Variants in IL1RAPL1 observed in about 807,000 individuals in gnomAD.
IL1RAPL1 encodes the protein interleukin-1 receptor accessory protein-like 1.
In IL1RAPL1, 3 loss-of-function variants were observed where a neutral mutation model predicts 48.4. The observed-to-expected ratio is 0.06, with a 90% CI of 0.03 to 0.16. IL1RAPL1 has a LOEUF of 0.16. Ranked by LOEUF, IL1RAPL1 falls within the 10% of genes least tolerant of loss-of-function variation. The pLI, the probability that IL1RAPL1 is intolerant of heterozygous loss-of-function variation, is 1.00. For missense variants in IL1RAPL1, 349 were observed against 530.6 expected (o/e 0.66, Z 3.36); for synonymous variants, 185 against 187.7 (o/e 0.99, Z 0.12).
At chrX:29,569,870 TAGCCAGGTAGTGTTATTTGC>T (rs1019808674) in intron 5 of IL1RAPL1, among the ~76,000 whole-genome samples, 4 of 112,069 alleles carry the variant, frequency 3.6e-5, no homozygotes, top group African/African-American at 1.3e-4. Context: ...TGGTTTTTTG[TAGCCAGGTAGTGTTATTTGC>T]AGCTGAAATC....
At chrX:28,866,066 A>G (rs1922069751) in intron 2 of IL1RAPL1, among the ~76,000 whole-genome samples, 1 of 112,070 alleles carries the variant, frequency 8.9e-6, no homozygotes, top group Non-Finnish European at 1.9e-5. Context: ...AAGACACGGG[A>G]CTTAGGAAGG....
chrX:29,335,057 C>G (rs1453542680), intron 3 of IL1RAPL1, among the ~76,000 whole-genome samples: 24 of 111,920 alleles, frequency 2.1e-4, no homozygotes, highest in African/African-American at 7.8e-4. Flanking sequence ...GCGGATCACT[C>G]GCGGTTAGGA....
chrX:29,499,368 G>A (rs1321909285), intron 5 of IL1RAPL1, among the ~76,000 whole-genome samples: 1 of 111,522 alleles, frequency 9.0e-6, no homozygotes, highest in East Asian at 2.8e-4. Flanking sequence ...ATGAGGCTTC[G>A]TTTCCTCACT....
chrX:28,772,051 G>C (rs1451504685), intron 1 of IL1RAPL1, among the ~76,000 whole-genome samples: 1 of 110,930 alleles, frequency 9.0e-6, no homozygotes, highest in Non-Finnish European at 1.9e-5. Flanking sequence ...AAAAAACAGT[G>C]GTTTCACTGT....
At chrX:29,770,717 A>G (rs985588923) in intron 6 of IL1RAPL1, among the ~76,000 whole-genome samples, 8 of 112,388 alleles carry the variant, frequency 7.1e-5, no homozygotes, top group Non-Finnish European at 1.1e-4. Flanking sequence ...TGTTACCACC[A>G]TTATCCTACT....
At chrX:29,041,028 T>G (rs750871370) in intron 2 of IL1RAPL1, among the ~76,000 whole-genome samples, 42 of 112,309 alleles carry the variant, frequency 3.7e-4, no homozygotes, top group Non-Finnish European at 9.4e-5. Flanking sequence ...AGTTTTGGAC[T>G]GAATTCTAAC....
intron 5 of IL1RAPL1, among the ~76,000 whole-genome samples, chrX:29,561,376 G>A (rs1922190272): frequency 1.8e-5 from 2 of 112,208 alleles, no homozygotes; most frequent in South Asian, 3.7e-4. Flanking sequence ...ATCTTTTGAT[G>A]TTCATGGGCA....
chrX:28,700,110 GT>G (rs1935278245), intron 1 of IL1RAPL1, among the ~76,000 whole-genome samples: 1 of 111,179 alleles, frequency 9.0e-6, no homozygotes, highest in South Asian at 3.8e-4. Context: ...ATTTTGAAAA[GT>G]TAAAAGTATT....
At chrX:29,738,168 G>C (rs755629052) in intron 6 of IL1RAPL1, among the ~76,000 whole-genome samples, 1 of 111,676 alleles carries the variant, frequency 9.0e-6, no homozygotes, top group Non-Finnish European at 1.9e-5. Context: ...ACAGAGGAGA[G>C]AAAACCTTAT....
At chrX:28,675,200 T>G (rs978605851) in intron 1 of IL1RAPL1, among the ~76,000 whole-genome samples, 1 of 112,002 alleles carries the variant, frequency 8.9e-6, no homozygotes, top group Non-Finnish European at 1.9e-5. Flanking sequence ...AATGTATGGT[T>G]GTTTTTTGGT....
chrX:29,270,672 G>C (rs1932027693), intron 2 of IL1RAPL1, among the ~76,000 whole-genome samples: 1 of 111,840 alleles, frequency 8.9e-6, no homozygotes. Context: ...TGTTTGATTA[G>C]TTTGATTATG....
At chrX:29,230,422 C>G (rs1347999721) in intron 2 of IL1RAPL1, among the ~76,000 whole-genome samples, 1 of 99,568 alleles carries the variant, frequency 1.0e-5, no homozygotes, top group African/African-American at 3.7e-5. Flanking sequence ...GGCGTCTGCT[C>G]CCCACAGTAT....
chrX:28,646,952 G>A (rs1934619572), intron 1 of IL1RAPL1, among the ~76,000 whole-genome samples: 1 of 111,983 alleles, frequency 8.9e-6, no homozygotes, highest in Non-Finnish European at 1.9e-5. Context: ...AAACACCCAA[G>A]TTGGCTGAAT....
At chrX:28,750,603 T>G (rs1457053132) in intron 1 of IL1RAPL1, among the ~76,000 whole-genome samples, 1 of 112,083 alleles carries the variant, frequency 8.9e-6, no homozygotes, top group Admixed American at 9.5e-5. Context: ...GTTACTCATA[T>G]TTTTCTTGAT....
chrX:29,191,975 A>G, intron 2 of IL1RAPL1, among the ~76,000 whole-genome samples: 1 of 111,528 alleles, frequency 9.0e-6, no homozygotes, highest in South Asian at 3.8e-4. Context: ...ATTTGAGACC[A>G]ACTCCAATGC....
chrX:28,947,697 A>G (rs1464681212), intron 2 of IL1RAPL1, among the ~76,000 whole-genome samples: 3 of 111,904 alleles, frequency 2.7e-5, no homozygotes, highest in Non-Finnish European at 5.7e-5. Flanking sequence ...GTACCTTAGA[A>G]CTTAAAAAGT....
chrX:29,609,298 C>T (rs778602266), intron 5 of IL1RAPL1, among the ~76,000 whole-genome samples: 3 of 112,384 alleles, frequency 2.7e-5, no homozygotes, highest in Non-Finnish European at 5.6e-5. Flanking sequence ...ACAGATTCCC[C>T]ATTGCTTATG....
At chrX:29,534,566 G>A (rs749002424) in intron 5 of IL1RAPL1, among the ~76,000 whole-genome samples, 1 of 111,713 alleles carries the variant, frequency 9.0e-6, no homozygotes, top group South Asian at 3.8e-4. Flanking sequence ...CAGGTGTGGT[G>A]ACTCATGCCT....
At chrX:29,245,942 A>G (rs76266291) in intron 2 of IL1RAPL1, among the ~76,000 whole-genome samples, 1 of 111,288 alleles carries the variant, frequency 9.0e-6, no homozygotes, top group East Asian at 2.8e-4. Context: ...ACCAAAACAA[A>G]AACACCTTCA....
Sources: allele counts gnomAD v4.1 joint callset (sites outside exome capture counted in the v4.1 genomes callset), GRCh38; gene constraint gnomAD v4.1.1; transcripts MANE v1.5; gene names NCBI Gene and HGNC (gene_info 2026-07-23, HGNC 2026-07-21).